The following CCDC171 variants were observed in gnomAD, a reference collection of about 807,000 sequenced individuals.
CCDC171 encodes the protein coiled-coil domain-containing protein 171.
Under a neutral mutation model 168.2 loss-of-function variants are expected in CCDC171, and 177 were observed. The observed-to-expected ratio is 1.05, with a 90% CI of 0.93 to 1.19. CCDC171 has a LOEUF of 1.19. CCDC171 is among the 50% of genes most tolerant of loss of function. The pLI is 0.00. For missense variants in CCDC171, 1,991 were observed against 1,539.0 expected, an observed-to-expected ratio of 1.29 and a Z score of -4.91; for synonymous variants, 687 against 540.8, an observed-to-expected ratio of 1.27 and a Z score of -3.75.
At position 16,023,770 on chromosome 9, in the gene CCDC171, A is replaced by G. The variant is rs189405686; in HGVS notation, n.998+862A>G. ...CATCTCAAGATCAGTAAGGAATTCA[A>G]CTGGTCACTGTCACAGCTGAGGTTT... On this transcript the variant is annotated intron_variant and non_coding_transcript_variant, in intron 6 of 9. Coordinates refer to the CCDC171 transcript ENST00000486641. Among the ~76,000 whole-genome samples the G allele has an allele frequency of 3.9e-5, 6 of 152,186 alleles. No individual in the cohort carries two copies. In the East Asian group the frequency reaches 9.7e-4, roughly 24 times the overall value.
intron 24 of CCDC171, among the ~76,000 whole-genome samples, chr9:15,879,682 G>A (rs1377839244): frequency 6.6e-6 from 1 of 152,028 alleles, no homozygotes; most frequent in East Asian, 1.9e-4. Context: ...GTTGTGCTCT[G>A]CTACATGGCT....
the CCDC171 span, among the ~76,000 whole-genome samples, chr9:16,079,121 A>T: frequency 6.6e-6 from 1 of 152,234 alleles, no homozygotes; most frequent in African/African-American, 2.4e-5. Flanking sequence ...GAATGGTGGG[A>T]GTCCTGATTT....
At chr9:16,088,545 C>G in the CCDC171 span, among the ~76,000 whole-genome samples, 1 of 152,132 alleles carries the variant, frequency 6.6e-6, no homozygotes, top group Non-Finnish European at 1.5e-5. Flanking sequence ...AATCAATGTG[C>G]AAAAATCACA....
At chr9:15,651,740 T>A (rs1368039457) in intron 7 of CCDC171, among the ~76,000 whole-genome samples, 1 of 152,224 alleles carries the variant, frequency 6.6e-6, no homozygotes, top group African/African-American at 2.4e-5. Context: ...CCACTTTCTT[T>A]ATTCATTTGT....
At chr9:15,822,835 G>C (rs542687420) in intron 21 of CCDC171, among the ~76,000 whole-genome samples, 2 of 152,226 alleles carry the variant, frequency 1.3e-5, no homozygotes, top group African/African-American at 4.8e-5. Context: ...GCATTGCTGG[G>C]TATATACCCA....
intron 18 of CCDC171, among the ~76,000 whole-genome samples, chr9:15,764,223 A>G (rs1443162379): frequency 2.0e-5 from 3 of 152,226 alleles, no homozygotes; most frequent in Non-Finnish European, 2.9e-5. Flanking sequence ...AACTATGGTA[A>G]GAACTTTAGA....
At chr9:16,100,214 A>G in the CCDC171 span, among the ~76,000 whole-genome samples, 1 of 152,216 alleles carries the variant, frequency 6.6e-6, no homozygotes, top group African/African-American at 2.4e-5. Flanking sequence ...TTGATTTATG[A>G]GAGGAAAAAC....
rs45559335 is a variant in CCDC171, at chr9:15,727,852, T to C, written c.1693-17T>C. 12,897 of 1,217,452 alleles carry C rather than the reference T, an allele frequency of 0.011. 80 individuals carry two copies. Among genetic ancestry groups the C allele is most frequent in the Non-Finnish European group, 0.012 (11,265 of 906,582 alleles). 75.4% of individuals were successfully genotyped at this position (1,217,452 alleles called of 1,614,324 possible). ...GTTTATATACAGCAATTAATTTTTC[T>C]TTTTTTTTTCCTGCAGGAGAAGCTA... On this transcript the variant is annotated splice_polypyrimidine_tract_variant and intron_variant, in intron 14 of 25. Coordinates refer to ENST00000380701, the MANE Select transcript of CCDC171 (RefSeq NM_173550.4).
chr9:16,105,716 G>T, the CCDC171 span, among the ~76,000 whole-genome samples: 1 of 152,186 alleles, frequency 6.6e-6, no homozygotes, highest in Non-Finnish European at 1.5e-5. Flanking sequence ...ACCACTGTTT[G>T]GGTTTTTCTG....
chr9:15,674,333 T>C (rs1419285233), intron 9 of CCDC171, among the ~76,000 whole-genome samples: 3 of 152,218 alleles, frequency 2.0e-5, no homozygotes, highest in Non-Finnish European at 4.4e-5. Flanking sequence ...ATTGACTTTT[T>C]GAAGGGTTTT....
intron 3 of CCDC171, among the ~76,000 whole-genome samples, chr9:15,999,261 A>G (rs771120260): frequency 2.9e-4 from 44 of 150,888 alleles, no homozygotes; most frequent in Non-Finnish European, 4.7e-4. Context: ...AGAAAGAGAG[A>G]AAGAGAAAGA....
At chr9:15,798,869 G>T (rs2058682899) in intron 21 of CCDC171, among the ~76,000 whole-genome samples, 1 of 151,376 alleles carries the variant, frequency 6.6e-6, no homozygotes, top group Non-Finnish European at 1.5e-5. Context: ...TTACTTTTAG[G>T]GGCTGCTGTA....
intron 21 of CCDC171, among the ~76,000 whole-genome samples, chr9:15,789,436 A>C (rs1449232653): frequency 1.3e-5 from 2 of 152,184 alleles, no homozygotes; most frequent in South Asian, 4.1e-4. Flanking sequence ...CGACATTAAG[A>C]AATTGCTTAA....
In CCDC171 at chr9:15,691,542, T is replaced by TATATATATATATATA. The variant is rs1554762137; in HGVS notation, c.1216-3693_1216-3692insATATATATATATATA. Among the ~76,000 whole-genome samples the TATATATATATATATA allele has an allele frequency of 7.4e-4, 83 of 112,692 alleles. 2 individuals are homozygous for TATATATATATATATA. The highest frequency in any genetic ancestry group is 3.0e-3 in the East Asian group (12 of 4,022). The allele number at this position is 112,692 out of a possible 152,430, so 73.9% of individuals were successfully genotyped here. A position where few individuals can be genotyped will look rare whatever the true frequency, so the allele number is the denominator to read the frequency against. On this transcript the variant is annotated intron_variant, in intron 10 of 25. Transcript: ENST00000380701. ...GATTAAAAATACCTGTAAATATATGTTTTTTATATATATATATATATATAT... is the reference window on the plus strand; with the variant it reads ...GATTAAAAATACCTGTAAATATATGTATATATATATATATATTTTTATATATATATATATATATAT...
At chr9:15,771,130 A>AT (rs1420139358) in intron 18 of CCDC171, among the ~76,000 whole-genome samples, 1 of 151,884 alleles carries the variant, frequency 6.6e-6, no homozygotes, top group East Asian at 1.9e-4. Context: ...ATTTTTTCTT[A>AT]TTTTTTTCGC....
intron 25 of CCDC171, among the ~76,000 whole-genome samples, chr9:15,925,273 T>A (rs1825766172): frequency 6.6e-6 from 1 of 151,596 alleles, no homozygotes; most frequent in East Asian, 1.9e-4. Context: ...TCAGTGATGC[T>A]TGAGCTAGTG....
At chr9:15,758,765 A>T (rs7853875) in intron 18 of CCDC171, among the ~76,000 whole-genome samples, 4,127 of 152,212 alleles carry the variant, frequency 0.027, 215 homozygotes, top group African/African-American at 0.094. Flanking sequence ...GTGGTAGTGA[A>T]TAAGTCTCAC....
At chr9:16,006,416 T>G (rs1361993647) in intron 3 of CCDC171, among the ~76,000 whole-genome samples, 1 of 152,172 alleles carries the variant, frequency 6.6e-6, no homozygotes, top group Non-Finnish European at 1.5e-5. Flanking sequence ...CTATGCAGAT[T>G]CTTTGCCCAT....
At chr9:15,887,158 T>C (rs761963896) in intron 24 of CCDC171, among the ~76,000 whole-genome samples, 1 of 152,166 alleles carries the variant, frequency 6.6e-6, no homozygotes, top group Non-Finnish European at 1.5e-5. Context: ...GTGATAGATA[T>C]GTTAATTAGC....
Sources: gnomAD v4.1 joint callset for allele counts (sites outside exome capture counted in the v4.1 genomes callset) on GRCh38, gnomAD v4.1.1 for gene constraint, MANE v1.5 for transcripts, NCBI Gene and HGNC (gene_info 2026-07-23, HGNC 2026-07-21) for gene names.